The following GRAMD4 variants were observed in gnomAD, a reference collection of about 807,000 sequenced individuals.
GRAMD4 encodes GRAM domain containing 4, also known as GRAM domain-containing protein 4.
In GRAMD4, 25 loss-of-function variants were observed where a neutral mutation model predicts 83.9. That is an observed-to-expected ratio of 0.30 (90% CI 0.22 to 0.42). The LOEUF (loss-of-function observed/expected upper bound fraction) is 0.42. Among genes scored for constraint, GRAMD4 ranks in the 10% least tolerant of loss-of-function variants. The pLI, the probability that GRAMD4 is intolerant of heterozygous loss-of-function variation, is 1.00. For missense variants in GRAMD4, 593 were observed against 788.7 expected, an observed-to-expected ratio of 0.75 and a Z score of 2.97; for synonymous variants, 336 against 320.9, an observed-to-expected ratio of 1.05 and a Z score of -0.50.
At chr22:46,600,676 C>T (rs1305915046) in intron 1 of GRAMD4, among the ~76,000 whole-genome samples, 1 of 152,206 alleles carries the variant, frequency 6.6e-6, no homozygotes, top group African/African-American at 2.4e-5. Flanking sequence ...GAGCCCCTTA[C>T]AGCCTCAAGC....
At chr22:46,601,101 A>AC (rs1439938319) in intron 1 of GRAMD4, among the ~76,000 whole-genome samples, 1 of 152,076 alleles carries the variant, frequency 6.6e-6, no homozygotes, top group East Asian at 1.9e-4. Context: ...CTGAGATTGC[A>AC]CCACTGCACT....
chr22:46,657,062 C>G (rs966122529), intron 3 of GRAMD4, among the ~76,000 whole-genome samples: 1 of 152,230 alleles, frequency 6.6e-6, no homozygotes, highest in African/African-American at 2.4e-5. Context: ...ATTGTTCCAC[C>G]TGAACTTAAC....
intron 3 of GRAMD4, among the ~76,000 whole-genome samples, chr22:46,655,012 A>G (rs1328187550): frequency 6.6e-6 from 1 of 152,198 alleles, no homozygotes; most frequent in African/African-American, 2.4e-5. Flanking sequence ...AGGCTACGCC[A>G]GATGGGGGGG....
chr22:46,667,146 T>G (rs922463094), intron 10 of GRAMD4, among the ~76,000 whole-genome samples: 4 of 152,148 alleles, frequency 2.6e-5, no homozygotes. Flanking sequence ...AGCTAGGATG[T>G]GGTATGGCAG....
intron 3 of GRAMD4, 81 bp from the exon 4 acceptor site, chr22:46,658,106 C>T (rs1017242946): frequency 1.9e-6 from 3 of 1,568,304 alleles, no homozygotes; most frequent in Non-Finnish European, 2.6e-6. Flanking sequence ...GTTTCTGAGT[C>T]AGGCACCCCT....
chr22:46,663,238 G>T (rs2082356484), intron 6 of GRAMD4, 66 bp downstream of exon 6: 1 of 1,479,742 alleles, frequency 6.8e-7, no homozygotes, highest in African/African-American at 1.4e-5. Flanking sequence ...TGAGGCTGCA[G>T]CGGGTGGGCC....
intron 1 of GRAMD4, among the ~76,000 whole-genome samples, chr22:46,601,958 G>C (rs1469879427): frequency 6.6e-6 from 1 of 152,076 alleles, no homozygotes; most frequent in East Asian, 1.9e-4. Context: ...GCCCTTCTTG[G>C]GCAGCTCTTG....
chr22:46,576,334 A>T (rs1354212773), upstream of GRAMD4, among the ~76,000 whole-genome samples: 1 of 152,100 alleles, frequency 6.6e-6, no homozygotes, highest in African/African-American at 2.4e-5. Flanking sequence ...CTGCCCCTTC[A>T]CTGAGCAGTC....
chr22:46,674,698 C>T lies in GRAMD4; in HGVS notation c.1426C>T (p.Arg476Trp), dbSNP rs1278111661. The T allele has an allele frequency of 9.9e-6, 16 of 1,612,914 alleles. No homozygotes were observed. Among genetic ancestry groups the T allele is most frequent in the South Asian group, 2.2e-5 (2 of 91,080 alleles). ...GCGCTGCTGCCTCATCAACAGGGAC[C>T]GGAAGATGCCCACGGACTACATCAG... Reference protein sequence around the residue: ...GWRCCLINRDRKMPTDYIRNG... With the variant: ...GWRCCLINRDWKMPTDYIRNG... Residue 476 changes from arginine to tryptophan, a missense_variant, in exon 16 of 19, where the codon CGG (arginine) becomes TGG (tryptophan). Coordinates refer to ENST00000406902, the MANE Select transcript of GRAMD4 (RefSeq NM_015124.5).
At chr22:46,577,556 CGAG>C (rs372527946) in intron 1 of GRAMD4, among the ~76,000 whole-genome samples, 9,947 of 151,644 alleles carry the variant, frequency 0.066, 534 homozygotes, top group Admixed American at 0.15. Flanking sequence ...CTGGGGGAGA[CGAG>C]GACATCCCGG....
rs2081556999 is a variant in GRAMD4, at chr22:46,620,445, T to A, written c.-170T>A. On this transcript the variant is annotated 5_prime_UTR_variant, in exon 1 of 19. Coordinates refer to ENST00000406902, the MANE Select transcript of GRAMD4 (RefSeq NM_015124.5). This position sits in a 1 kb window ranked among gnomAD's most constrained non-coding sequence, Gnocchi z 4.7. The stretch of plus-strand genomic sequence containing the variant: ...CAGACACCACCCTCTCCGTGCCTGC[T>A]GGTGTTGGGCGGCTTGGAGGCTATG... 1.0e-6 allele frequency: 1 copy of A among 985,160 alleles called. No individual in the cohort carries two copies. Among genetic ancestry groups the A allele is most frequent in the Non-Finnish European group, 1.2e-6 (1 of 829,862 alleles). 61.0% of individuals were successfully genotyped at this position (985,160 alleles called of 1,614,324 possible).
At chr22:46,650,418 C>CTGGGTGGA (rs1377348529) in intron 3 of GRAMD4, among the ~76,000 whole-genome samples, 1 of 150,872 alleles carries the variant, frequency 6.6e-6, no homozygotes, top group Non-Finnish European at 1.5e-5. Context: ...AGCATTGAGG[C>CTGGGTGGA]TGGGTGGAGG....
In GRAMD4 at chr22:46,600,395, G is replaced by T. The variant is rs147407285; in HGVS notation, c.-50+23105G>T. ...TTGGGGTGCTCTGGCTGGGTCGCTG[G>T]TCTCCCCTTCTTCTGACGTGGTGCT... is the stretch of plus-strand genomic sequence containing the variant. On this transcript the variant is annotated intron_variant, in intron 1 of 1. Coordinates refer to the GRAMD4 transcript ENST00000431155. 8.6e-3 allele frequency among the ~76,000 whole-genome samples: 1,312 copies of T among 152,266 alleles called. 11 individuals carry two copies. The highest frequency in any genetic ancestry group is 0.015 in the Non-Finnish European group (1,043 of 68,008).
At chr22:46,623,617 C>T (rs1225016123) in intron 1 of GRAMD4, among the ~76,000 whole-genome samples, 3 of 151,900 alleles carry the variant, frequency 2.0e-5, no homozygotes, top group Middle Eastern at 3.2e-3. Flanking sequence ...AGGATGGTCT[C>T]GATGTCCTGA....
chr22:46,635,986 C>G (rs2081880939), intron 2 of GRAMD4, among the ~76,000 whole-genome samples: 1 of 152,132 alleles, frequency 6.6e-6, no homozygotes, highest in Non-Finnish European at 1.5e-5. Flanking sequence ...CAGGCCCTTG[C>G]CCACTCAGGT....
At chr22:46,619,734 G>C (rs2147132481), upstream of GRAMD4, among the ~76,000 whole-genome samples, 1 of 152,276 alleles carries the variant, frequency 6.6e-6, no homozygotes, top group East Asian at 1.9e-4. Flanking sequence ...CCAGCTGCTG[G>C]TCTAACCTCC....
At chr22:46,585,364 A>G (rs2081139346) in intron 1 of GRAMD4, among the ~76,000 whole-genome samples, 1 of 151,726 alleles carries the variant, frequency 6.6e-6, no homozygotes, top group Admixed American at 6.6e-5. Flanking sequence ...CTAATTTTGT[A>G]TTTTTAGTAG....
chr22:46,638,267 G>C (rs2081921963), intron 3 of GRAMD4, among the ~76,000 whole-genome samples: 1 of 152,268 alleles, frequency 6.6e-6, no homozygotes, highest in Admixed American at 6.5e-5. Context: ...CTGGGGAAAA[G>C]GAGTGAAATG....
intron 1 of GRAMD4, among the ~76,000 whole-genome samples, chr22:46,605,469 A>G (rs2081355952): frequency 6.6e-6 from 1 of 152,246 alleles, no homozygotes; most frequent in Non-Finnish European, 1.5e-5. Context: ...GTATCCCCAG[A>G]AGGGGGATTG....
Sources: allele counts gnomAD v4.1 joint callset (sites outside exome capture counted in the v4.1 genomes callset), GRCh38; gene constraint gnomAD v4.1.1; non-coding constraint Gnocchi (gnomAD v3.1); transcripts MANE v1.5; gene names NCBI Gene and HGNC (gene_info 2026-07-23, HGNC 2026-07-21).